Variants in CCDC171 observed in about 807,000 individuals in gnomAD.
CCDC171 encodes coiled-coil domain-containing protein 171.
CCDC171 carries 177 observed loss-of-function variants against 168.2 expected under a neutral mutation model. The observed-to-expected ratio is 1.05, with a 90% CI of 0.93 to 1.19. CCDC171 has a LOEUF of 1.19. Ranked by LOEUF, CCDC171 falls within the 50% of genes most tolerant of loss-of-function variation. The pLI is 0.00. For synonymous variants in CCDC171, 687 were observed against 540.8 expected (o/e 1.27, Z -3.75); for missense variants, 1,991 against 1,539.0 (o/e 1.29, Z -4.91).
chr9:16,022,269 G>C (rs141931776), intron 4 of CCDC171: 2 of 152,256 alleles, frequency 1.3e-5, no homozygotes, highest in Non-Finnish European at 2.9e-5. Flanking sequence ...CTCAAGGGAG[G>C]TTAAAGAGAT....
At chr9:15,658,836 TC>T (rs1439779119) in intron 8 of CCDC171, among the ~76,000 whole-genome samples, 2 of 152,186 alleles carry the variant, frequency 1.3e-5, no homozygotes, top group Non-Finnish European at 2.9e-5. Context: ...AATTTTGACC[TC>T]CACAACTGTA....
At chr9:16,079,385 G>C in the CCDC171 span, among the ~76,000 whole-genome samples, 1 of 152,194 alleles carries the variant, frequency 6.6e-6, no homozygotes, top group South Asian at 2.1e-4. Context: ...TAATTAGGAT[G>C]ATCCCTAATC....
intron 3 of CCDC171, among the ~76,000 whole-genome samples, chr9:16,005,921 A>T (rs2017943): frequency 0.43 from 65,229 of 151,170 alleles, 14,241 homozygotes; most frequent in South Asian, 0.5. Flanking sequence ...TTTTTATTTT[A>T]TTTTTTGAGA....
At chr9:16,009,213 T>G (rs1244604882) in intron 3 of CCDC171, among the ~76,000 whole-genome samples, 1 of 152,144 alleles carries the variant, frequency 6.6e-6, no homozygotes, top group African/African-American at 2.4e-5. Flanking sequence ...AAAATGTCCT[T>G]TCAAACTAGA....
At chr9:15,656,567 C>A (rs552925758) in intron 7 of CCDC171, among the ~76,000 whole-genome samples, 3 of 152,282 alleles carry the variant, frequency 2.0e-5, no homozygotes, top group African/African-American at 7.2e-5. Context: ...AATGAATGAA[C>A]TATTGATGCA....
chr9:15,903,693 T>C (rs185095947), intron 24 of CCDC171, among the ~76,000 whole-genome samples: 1 of 152,056 alleles, frequency 6.6e-6, no homozygotes, highest in Admixed American at 6.6e-5. Context: ...CTTTGACAAG[T>C]TGAGAGAAGA....
chr9:16,047,600 C>G (rs138446329), intron 1 of CCDC171, among the ~76,000 whole-genome samples: 11 of 152,320 alleles, frequency 7.2e-5, no homozygotes, highest in African/African-American at 2.4e-4. Flanking sequence ...TTTTTAAAAT[C>G]TCACAGTTTT....
At chr9:16,019,985 T>A (rs1174231619) in intron 3 of CCDC171, among the ~76,000 whole-genome samples, 4 of 152,182 alleles carry the variant, frequency 2.6e-5, no homozygotes, top group Admixed American at 2.6e-4. Context: ...AATATAATAG[T>A]TCCCCTTTAT....
At chr9:15,587,706 G>A in intron 4 of CCDC171, 2 of 455,732 alleles carry the variant, frequency 4.4e-6, no homozygotes, top group South Asian at 3.1e-5. Context: ...GGGTATATTA[G>A]TGTATAAACT....
chr9:16,064,542 G>A (rs572254465), downstream of CCDC171, among the ~76,000 whole-genome samples: 1 of 152,292 alleles, frequency 6.6e-6, no homozygotes, highest in Non-Finnish European at 1.5e-5. Flanking sequence ...GACACTTTTG[G>A]CTGATTCTTT....
intron 1 of CCDC171, among the ~76,000 whole-genome samples, chr9:16,057,472 CT>C (rs1362941131): frequency 1.3e-5 from 2 of 152,012 alleles, no homozygotes; most frequent in African/African-American, 2.4e-5. Context: ...TTTGTTAGTG[CT>C]TCATTTTGTT....
intron 25 of CCDC171, among the ~76,000 whole-genome samples, chr9:15,931,306 T>C (rs1245945831): frequency 6.6e-6 from 1 of 151,830 alleles, no homozygotes; most frequent in Admixed American, 6.6e-5. Flanking sequence ...TGATATCTCA[T>C]TGTGGTTTTG....
intron 10 of CCDC171, among the ~76,000 whole-genome samples, chr9:15,692,121 A>T (rs2050844700): frequency 6.6e-6 from 1 of 152,184 alleles, no homozygotes; most frequent in South Asian, 2.1e-4. Flanking sequence ...CACGCCTGTA[A>T]TCTCAACGCT....
chr9:15,988,702 CACATGGAA>C (rs1175549884), intron 3 of CCDC171, among the ~76,000 whole-genome samples: 2 of 152,194 alleles, frequency 1.3e-5, no homozygotes, highest in African/African-American at 4.8e-5. Context: ...TGACAGACGG[CACATGGAA>C]AATCGGGTCA....
chr9:15,878,019 TA>T (rs1818085704), intron 24 of CCDC171, among the ~76,000 whole-genome samples: 2 of 152,102 alleles, frequency 1.3e-5, no homozygotes, highest in South Asian at 4.1e-4. Context: ...CCTTAAACTA[TA>T]AAAACCCTGG....
chr9:15,782,523 GT>G (rs1031545961), intron 20 of CCDC171, among the ~76,000 whole-genome samples: 11 of 152,258 alleles, frequency 7.2e-5, no homozygotes, highest in African/African-American at 2.4e-4. Context: ...GGGAACACAC[GT>G]TCTGTTAAAA....
At chr9:15,974,293 C>G (rs192458951), downstream of CCDC171, among the ~76,000 whole-genome samples, 230 of 152,242 alleles carry the variant, frequency 1.5e-3, no homozygotes, top group African/African-American at 5.3e-3. Context: ...AATGACATAT[C>G]CTATGGAGAT....
chr9:16,084,349 T>G, the CCDC171 span, among the ~76,000 whole-genome samples: 3 of 152,184 alleles, frequency 2.0e-5, no homozygotes, highest in African/African-American at 7.2e-5. Flanking sequence ...CTTCTAGGGC[T>G]GTGTAACTTG....
In CCDC171 at chr9:15,653,173, C is replaced by A. The variant is rs114639026; in HGVS notation, c.823-3954C>A. On this transcript the variant is annotated intron_variant, in intron 7 of 25. Transcript: ENST00000380701. ...ATATATTTTTAGCTGGGGTCTCGTT[C>A]CTCTTGCCTAGGTTGGAGTGCAGTA... 5.8e-3 allele frequency among the ~76,000 whole-genome samples: 856 copies of A among 148,382 alleles called. 8 individuals are homozygous for A. The highest frequency in any genetic ancestry group is 0.022 in the African/African-American group (830 of 38,064).
Sources: allele counts gnomAD v4.1 joint callset (sites outside exome capture counted in the v4.1 genomes callset), GRCh38; gene constraint gnomAD v4.1.1; transcripts MANE v1.5; gene names NCBI Gene and HGNC (gene_info 2026-07-23, HGNC 2026-07-21).